The following PTPRD variants were observed in gnomAD, a reference collection of about 807,000 sequenced individuals.
PTPRD encodes the protein receptor-type tyrosine-protein phosphatase delta.
A neutral mutation model predicts 214.5 loss-of-function variants in PTPRD; 34 were observed. That is an observed-to-expected ratio of 0.16 (90% CI 0.12 to 0.21). PTPRD has a LOEUF of 0.21. Among genes scored for constraint, PTPRD ranks in the 10% least tolerant of loss-of-function variants. The pLI, the probability that PTPRD is intolerant of heterozygous loss-of-function variation, is 1.00. For synonymous variants in PTPRD, 1,128 were observed against 845.7 expected, an observed-to-expected ratio of 1.33 and a Z score of -5.79; for missense variants, 2,545 against 2,398.7, an observed-to-expected ratio of 1.06 and a Z score of -1.27.
chr9:9,493,777 G>C (rs1369841942), intron 8 of PTPRD, among the ~76,000 whole-genome samples: 1 of 99,476 alleles, frequency 1.0e-5, no homozygotes, highest in Non-Finnish European at 1.8e-5. Flanking sequence ...GACAGAGCAA[G>C]ACTCCGTCTC....
At chr9:8,902,604 C>T (rs1472999926) in intron 11 of PTPRD, among the ~76,000 whole-genome samples, 3 of 152,050 alleles carry the variant, frequency 2.0e-5, no homozygotes, top group Admixed American at 6.5e-5. Context: ...CTCAGCCTCC[C>T]AAAGTGCTGG....
At chr9:9,555,312 C>T (rs1166275734) in intron 8 of PTPRD, among the ~76,000 whole-genome samples, 1 of 151,920 alleles carries the variant, frequency 6.6e-6, no homozygotes. Context: ...CCTGAATGTT[C>T]CCCCCATAAT....
intron 7 of PTPRD, among the ~76,000 whole-genome samples, chr9:9,601,996 G>A (rs2093806727): frequency 6.6e-6 from 1 of 151,994 alleles, no homozygotes; most frequent in South Asian, 2.1e-4. Flanking sequence ...ATTGAAGATT[G>A]GCAGATTTGT....
intron 36 of PTPRD, among the ~76,000 whole-genome samples, chr9:8,394,602 G>A (rs2090575698): frequency 6.6e-6 from 1 of 152,142 alleles, no homozygotes; most frequent in Non-Finnish European, 1.5e-5. Context: ...AACAAGATGT[G>A]TTGGACAAAC....
At chr9:8,559,672 TC>T (rs374313472) in intron 14 of PTPRD, among the ~76,000 whole-genome samples, 29 of 152,310 alleles carry the variant, frequency 1.9e-4, no homozygotes, top group African/African-American at 7.0e-4. Context: ...GTCACAACTT[TC>T]AGAAAGGTGC....
intron 3 of PTPRD, among the ~76,000 whole-genome samples, chr9:10,045,709 A>T (rs960783760): frequency 1.3e-5 from 2 of 151,754 alleles, no homozygotes; most frequent in African/African-American, 4.8e-5. Context: ...AGCTTATTTG[A>T]TATAATTCCA....
At chr9:8,405,697 T>C (rs1418007783) in intron 35 of PTPRD, among the ~76,000 whole-genome samples, 1 of 152,138 alleles carries the variant, frequency 6.6e-6, no homozygotes, top group East Asian at 1.9e-4. Flanking sequence ...TTTTAAACGA[T>C]CAAAATCAAG....
chr9:9,619,699 A>C (rs2095121458), intron 7 of PTPRD, among the ~76,000 whole-genome samples: 1 of 145,724 alleles, frequency 6.9e-6, no homozygotes, highest in Admixed American at 6.9e-5. Flanking sequence ...ATTTCTATAT[A>C]GAAATATATG....
At chr9:9,402,943 G>T (rs192143284) in intron 8 of PTPRD, among the ~76,000 whole-genome samples, 202 of 112,518 alleles carry the variant, frequency 1.8e-3, no homozygotes, top group African/African-American at 6.6e-3. Context: ...CGGTGAGATG[G>T]TTCAACATTT....
At chr9:9,367,370 G>C (rs1333405761) in intron 9 of PTPRD, among the ~76,000 whole-genome samples, 1 of 151,552 alleles carries the variant, frequency 6.6e-6, no homozygotes, top group Non-Finnish European at 1.5e-5. Context: ...TTTGAAAAAT[G>C]TAAAATATTC....
chr9:10,416,342 G>C (rs1258782501), intron 2 of PTPRD, among the ~76,000 whole-genome samples: 2 of 151,694 alleles, frequency 1.3e-5, no homozygotes, highest in Non-Finnish European at 2.9e-5. Flanking sequence ...CTGGGCAAGA[G>C]AGTATGACTC....
chr9:10,341,090 T>C (rs1027225415), intron 2 of PTPRD, 73 bp from the exon 3 acceptor site: 2 of 151,954 alleles, frequency 1.3e-5, no homozygotes, highest in Non-Finnish European at 2.9e-5. Flanking sequence ...TTCTTCATTC[T>C]GTGAATAAAA....
intron 11 of PTPRD, among the ~76,000 whole-genome samples, chr9:8,996,689 C>T (rs1589498115): frequency 6.6e-6 from 1 of 152,084 alleles, no homozygotes; most frequent in East Asian, 1.9e-4. Context: ...CCTCACATGG[C>T]AGAAGGGGTA....
chr9:8,405,900 A>C (rs1196341775), intron 35 of PTPRD, among the ~76,000 whole-genome samples: 7 of 152,176 alleles, frequency 4.6e-5, no homozygotes, highest in Non-Finnish European at 8.8e-5. Flanking sequence ...CTTTCTGTCA[A>C]AAGGCACAGA....
intron 3 of PTPRD, among the ~76,000 whole-genome samples, chr9:10,249,295 C>G (rs2092549191): frequency 6.6e-6 from 1 of 152,158 alleles, no homozygotes; most frequent in Non-Finnish European, 1.5e-5. Context: ...TTGTGGTCAG[C>G]ATGCTCTCCA....
At chr9:10,029,149 T>A (rs1274304492) in intron 4 of PTPRD, among the ~76,000 whole-genome samples, 1 of 152,006 alleles carries the variant, frequency 6.6e-6, no homozygotes, top group African/African-American at 2.4e-5. Flanking sequence ...AGAACTGGAG[T>A]TTGGGAACCT....
At chr9:9,182,382 G>T (rs528853063) in intron 10 of PTPRD, among the ~76,000 whole-genome samples, 27 of 152,092 alleles carry the variant, frequency 1.8e-4, no homozygotes, top group African/African-American at 6.5e-4. Context: ...GCAGATAAGA[G>T]ATTTGAGCAT....
At chr9:9,572,561 G>GTATATA (rs113092220) in intron 8 of PTPRD, among the ~76,000 whole-genome samples, 1 of 140,824 alleles carries the variant, frequency 7.1e-6, no homozygotes, top group African/African-American at 2.6e-5. Flanking sequence ...ATATATATAT[G>GTATATA]TATATATATA....
intron 3 of PTPRD, among the ~76,000 whole-genome samples, chr9:10,337,558 T>C (rs2096865317): frequency 6.6e-6 from 1 of 151,744 alleles, no homozygotes; most frequent in South Asian, 2.1e-4. Flanking sequence ...ATATTTTGTA[T>C]ATTCACTCAT....
Sources: gnomAD v4.1 joint callset for allele counts (sites outside exome capture counted in the v4.1 genomes callset) on GRCh38, gnomAD v4.1.1 for gene constraint, MANE v1.5 for transcripts, NCBI Gene and HGNC (gene_info 2026-07-23, HGNC 2026-07-21) for gene names.